Variants in DCDC2 observed in about 807,000 individuals in gnomAD.
DCDC2 encodes the protein doublecortin domain containing 2.
A neutral mutation model predicts 50.2 loss-of-function variants in DCDC2; 40 were observed. The ratio of observed to expected loss-of-function variants is 0.80; its 90% CI spans 0.62 to 1.04. DCDC2 has a LOEUF of 1.04. Ranked by LOEUF, DCDC2 falls within the 50% of genes least tolerant of loss-of-function variation. DCDC2 has a pLI of 0.00. For missense variants in DCDC2, 570 were observed against 581.9 expected (o/e 0.98, Z 0.21); for synonymous variants, 234 against 210.6 (o/e 1.11, Z -0.96).
intron 6 of DCDC2, among the ~76,000 whole-genome samples, chr6:24,284,569 C>T (rs1053527534): frequency 1.3e-5 from 2 of 150,758 alleles, no homozygotes; most frequent in Non-Finnish European, 3.0e-5. Context: ...CGAGATCATG[C>T]CACTGCACTC....
chr6:24,222,142 A>T (rs1225669660), intron 7 of DCDC2, among the ~76,000 whole-genome samples: 1 of 152,216 alleles, frequency 6.6e-6, no homozygotes, highest in Non-Finnish European at 1.5e-5. Flanking sequence ...AATAAATCAC[A>T]ACTGTAGGGC....
intron 7 of DCDC2, among the ~76,000 whole-genome samples, chr6:24,224,187 C>A (rs995910557): frequency 6.6e-6 from 1 of 152,210 alleles, no homozygotes; most frequent in African/African-American, 2.4e-5. Flanking sequence ...AGTTTATAAA[C>A]ACTTTCATCA....
chr6:24,278,341 TG>T, intron 6 of DCDC2, 130 bp from the exon 7 acceptor site: 1 of 727,292 alleles, frequency 1.4e-6, no homozygotes, highest in Non-Finnish European at 2.2e-6. Flanking sequence ...GTTCTGCAAC[TG>T]TCTATCTTTA....
chr6:24,225,232 A>G (rs1338968290), intron 7 of DCDC2, among the ~76,000 whole-genome samples: 1 of 152,172 alleles, frequency 6.6e-6, no homozygotes, highest in Non-Finnish European at 1.5e-5. Flanking sequence ...AATTTCAAGA[A>G]TGGAACTAAA....
chr6:24,254,648 A>T (rs1762856797), intron 7 of DCDC2, among the ~76,000 whole-genome samples: 1 of 152,166 alleles, frequency 6.6e-6, no homozygotes, highest in Non-Finnish European at 1.5e-5. Context: ...AGTGACAGGC[A>T]TTCAGTGCAC....
At chr6:24,243,908 G>T (rs1762617751) in intron 7 of DCDC2, among the ~76,000 whole-genome samples, 1 of 152,200 alleles carries the variant, frequency 6.6e-6, no homozygotes, top group South Asian at 2.1e-4. Context: ...AACACATTAT[G>T]TCTCTTTACC....
intron 4 of DCDC2, among the ~76,000 whole-genome samples, chr6:24,291,411 C>A (rs1457557525): frequency 6.6e-6 from 1 of 150,986 alleles, no homozygotes; most frequent in Non-Finnish European, 1.5e-5. Flanking sequence ...TTGTACAGAT[C>A]ACAGTGCTTT....
chr6:24,362,964 C>T (rs1760694448), upstream of DCDC2, among the ~76,000 whole-genome samples: 1 of 152,100 alleles, frequency 6.6e-6, no homozygotes, highest in Admixed American at 6.5e-5. Context: ...AGTGAGAAGG[C>T]TTTAAGAAGC....
At position 24,220,424 on chromosome 6, in the gene DCDC2, G is replaced by T. The variant is rs1856837; in HGVS notation, c.923-15322C>A. ...ACAAATCCATGACAGGTCAAGAAGC[G>T]GAGAAGAAATGGAAAAAGACATATG... On this transcript the variant is annotated intron_variant, in intron 7 of 9. Transcript: ENST00000378454. 2.8e-3 allele frequency among the ~76,000 whole-genome samples: 430 copies of T among 152,184 alleles called. 2 individuals carry two copies. The highest frequency in any genetic ancestry group is 9.4e-3 in the African/African-American group (389 of 41,488).
Position 24,220,853 on chromosome 6 carries a change from G to GGAGAGAGACAGAGC in DCDC2, c.923-15752_923-15751insGCTCTGTCTCTCTC, listed in dbSNP as rs1561895378. Among the ~76,000 whole-genome samples, 4 of 31,346 alleles carry GGAGAGAGACAGAGC rather than the reference G, an allele frequency of 1.3e-4. No homozygotes were observed. In the East Asian group the frequency reaches 6.5e-3, roughly 51 times the overall value. The allele number at this position is 31,346 out of a possible 152,430, so 20.6% of individuals were successfully genotyped here. ...GCAAGTCACATCTTACATGGCGGCAGGAGAGAGACAGAGAGCAAGAGAGCG... is the reference window on the plus strand; with the variant it reads ...GCAAGTCACATCTTACATGGCGGCAGGAGAGAGACAGAGCGAGAGAGACAGAGAGCAAGAGAGCG... On this transcript the variant is annotated intron_variant, in intron 7 of 9. Coordinates refer to ENST00000378454, the MANE Select transcript of DCDC2 (RefSeq NM_016356.5).
chr6:24,281,285 A>G (rs1472787117), intron 6 of DCDC2, among the ~76,000 whole-genome samples: 1 of 152,092 alleles, frequency 6.6e-6, no homozygotes, highest in Non-Finnish European at 1.5e-5. Context: ...TAAAAAGTAA[A>G]CTAAACTAAG....
intron 2 of DCDC2, among the ~76,000 whole-genome samples, chr6:24,323,604 A>G (rs1759808748): frequency 6.6e-6 from 1 of 152,200 alleles, no homozygotes; most frequent in Non-Finnish European, 1.5e-5. Context: ...ATAATGCTTA[A>G]TAGACCTTAA....
intron 4 of DCDC2, among the ~76,000 whole-genome samples, chr6:24,297,544 T>C (rs807708): frequency 0.01 from 1,528 of 152,322 alleles, 28 homozygotes; most frequent in African/African-American, 0.034. Flanking sequence ...ATATTTTTAC[T>C]TGAATATATT....
chr6:24,322,749 A>G (rs1054992700), intron 2 of DCDC2, among the ~76,000 whole-genome samples: 2 of 152,072 alleles, frequency 1.3e-5, no homozygotes, highest in African/African-American at 4.8e-5. Context: ...GGAAGCCCCC[A>G]CTTTGAGTTG....
chr6:24,235,661 G>A (rs1476986595), intron 7 of DCDC2, among the ~76,000 whole-genome samples: 2 of 152,012 alleles, frequency 1.3e-5, no homozygotes, highest in Non-Finnish European at 2.9e-5. Flanking sequence ...AAAATAACTA[G>A]CGCCATTTAT....
chr6:24,312,426 A>C (rs1759587903), intron 2 of DCDC2, among the ~76,000 whole-genome samples: 1 of 152,096 alleles, frequency 6.6e-6, no homozygotes, highest in South Asian at 2.1e-4. Context: ...AATATTTTGG[A>C]AAGAATCTCT....
At chr6:24,322,186 G>T (rs1759784464) in intron 2 of DCDC2, among the ~76,000 whole-genome samples, 1 of 152,048 alleles carries the variant, frequency 6.6e-6, no homozygotes, top group Admixed American at 6.5e-5. Context: ...ACTGAACAGG[G>T]AACATAATTT....
At chr6:24,377,015 C>T in the DCDC2 span, among the ~76,000 whole-genome samples, 3 of 152,084 alleles carry the variant, frequency 2.0e-5, no homozygotes, top group Admixed American at 2.0e-4. Flanking sequence ...TCACCAATGC[C>T]CCAGGCCTTC....
chr6:24,360,431 C>T (rs1760647589), upstream of DCDC2, among the ~76,000 whole-genome samples: 1 of 152,172 alleles, frequency 6.6e-6, no homozygotes, highest in Non-Finnish European at 1.5e-5. Flanking sequence ...AAGCTTTACG[C>T]CAGGGAAAGG....
Sources: gnomAD v4.1 joint callset for allele counts (sites outside exome capture counted in the v4.1 genomes callset) on GRCh38, gnomAD v4.1.1 for gene constraint, MANE v1.5 for transcripts, NCBI Gene and HGNC (gene_info 2026-07-23, HGNC 2026-07-21) for gene names.